Variants in SPECC1 observed in about 807,000 individuals in gnomAD.
The protein encoded by SPECC1 is cytospin-B.
A neutral mutation model predicts 104.1 loss-of-function variants in SPECC1; 62 were observed. The observed-to-expected ratio is 0.60, with a 90% CI of 0.49 to 0.74. SPECC1 has a LOEUF of 0.74. Ranked by LOEUF, SPECC1 falls within the 30% of genes least tolerant of loss-of-function variation. SPECC1 has a pLI of 0.00. For missense variants in SPECC1, 1,306 were observed against 1,310.5 expected (o/e 1.00, Z 0.05); for synonymous variants, 513 against 501.6 (o/e 1.02, Z -0.30).
intron 3 of SPECC1, among the ~76,000 whole-genome samples, chr17:20,175,921 A>G (rs1159140682): frequency 1.3e-5 from 2 of 152,270 alleles, no homozygotes; most frequent in Non-Finnish European, 2.9e-5. Flanking sequence ...TACTCATAAA[A>G]GAGAACCATA....
At chr17:20,143,273 C>A (rs2152561560) in intron 3 of SPECC1, among the ~76,000 whole-genome samples, 1 of 150,926 alleles carries the variant, frequency 6.6e-6, no homozygotes, top group Middle Eastern at 3.5e-3. Flanking sequence ...GTGGTCCCAG[C>A]TACTCAGGAG....
At chr17:20,176,844 GCAC>G (rs904490395) in intron 3 of SPECC1, among the ~76,000 whole-genome samples, 19 of 152,166 alleles carry the variant, frequency 1.2e-4, no homozygotes, top group African/African-American at 3.9e-4. Context: ...ATATCCTTAA[GCAC>G]ATCTGCAAAA....
At chr17:20,259,670 T>C (rs1269985760) in intron 11 of SPECC1, among the ~76,000 whole-genome samples, 2 of 152,082 alleles carry the variant, frequency 1.3e-5, no homozygotes, top group African/African-American at 4.8e-5. Flanking sequence ...CATGCCCAGC[T>C]AATTTTTTTA....
chr17:20,240,060 ATTT>A (rs748689632), intron 7 of SPECC1, among the ~76,000 whole-genome samples: 971 of 31,924 alleles, frequency 0.03, no homozygotes, highest in Non-Finnish European at 0.035. Context: ...TGTCCAGCTA[ATTT>A]TTTTTTTTTT....
intron 3 of SPECC1, among the ~76,000 whole-genome samples, chr17:20,173,274 G>A (rs1391427875): frequency 6.6e-6 from 1 of 152,182 alleles, no homozygotes. Flanking sequence ...TTTATTTCAC[G>A]TTTAGGTGAA....
At chr17:20,133,958 C>A (rs1329893484) in intron 3 of SPECC1, among the ~76,000 whole-genome samples, 1 of 151,860 alleles carries the variant, frequency 6.6e-6, no homozygotes, top group Non-Finnish European at 1.5e-5. Flanking sequence ...TTTCTTGGGG[C>A]CCAGATGGTG....
intron 3 of SPECC1, among the ~76,000 whole-genome samples, chr17:20,159,798 A>G (rs2032968758): frequency 6.6e-6 from 1 of 152,232 alleles, no homozygotes; most frequent in African/African-American, 2.4e-5. Flanking sequence ...AAAAGGTCCT[A>G]GTTAACAGTC....
Position 20,205,366 on chromosome 17 carries a change from A to C in SPECC1, c.1317A>C (p.Glu439Asp), listed in dbSNP as rs896117127. Residue 439 changes from glutamate to aspartate, a missense_variant, in exon 4 of 15, where the codon GAA becomes GAC. Coordinates refer to ENST00000395527, the MANE Select transcript of SPECC1 (RefSeq NM_001243439.2). The part of the protein sequence containing the change: ...HRERAEQLSQ[E>D]NEKLMNLLQE... ...AGAGGGCAGAGCAGCTAAGTCAAGA[A>C]AATGAGAAGCTGATGAATCTTTTAC... is the stretch of plus-strand genomic sequence containing the variant. 1.2e-6 allele frequency: 2 copies of C among 1,613,776 alleles called. No homozygotes were observed. Among genetic ancestry groups the C allele is most frequent in the African/African-American group, 2.7e-5 (2 of 74,968 alleles).
chr17:20,179,305 C>G (rs1051972343), intron 3 of SPECC1, among the ~76,000 whole-genome samples: 2 of 152,256 alleles, frequency 1.3e-5, no homozygotes, highest in African/African-American at 2.4e-5. Flanking sequence ...CAGTGAGTGC[C>G]TTGGCCACTG....
At chr17:20,273,954 A>C (rs2040492741) in intron 12 of SPECC1, among the ~76,000 whole-genome samples, 1 of 152,148 alleles carries the variant, frequency 6.6e-6, no homozygotes. Flanking sequence ...GAGATTGTGA[A>C]TGCATGCGTT....
chr17:20,310,438 AT>A (rs2041899664), intron 14 of SPECC1, among the ~76,000 whole-genome samples: 1 of 152,186 alleles, frequency 6.6e-6, no homozygotes, highest in African/African-American at 2.4e-5. Flanking sequence ...CTGGTGTGAG[AT>A]GATGAGATCT....
At chr17:20,225,642 G>GA (rs1250339670) in intron 4 of SPECC1, among the ~76,000 whole-genome samples, 1 of 152,208 alleles carries the variant, frequency 6.6e-6, no homozygotes, top group Non-Finnish European at 1.5e-5. Context: ...GGATGAGGGA[G>GA]AGGGGATGTT....
At chr17:20,090,322 T>G (rs1032542508) in intron 1 of SPECC1, among the ~76,000 whole-genome samples, 13 of 152,192 alleles carry the variant, frequency 8.5e-5, no homozygotes, top group African/African-American at 3.1e-4. Context: ...AGGTGTTTCC[T>G]AGCTCTGGGG....
At chr17:20,041,876 C>CG (rs2045345967) in intron 1 of SPECC1, among the ~76,000 whole-genome samples, 2 of 152,046 alleles carry the variant, frequency 1.3e-5, no homozygotes, top group Non-Finnish European at 2.9e-5. Context: ...CCACCTGCCT[C>CG]GGCCTCCCAA....
rs753418392 is a variant in SPECC1, at chr17:20,205,391, C to CTAA, written c.1342_1343insTAA (p.Gln448delinsLeuLys). The CTAA allele has an allele frequency of 2.5e-6, 4 of 1,613,556 alleles. No homozygotes were observed. Among genetic ancestry groups the CTAA allele is most frequent in the Non-Finnish European group, 3.4e-6 (4 of 1,179,982 alleles). ...AAATGAGAAGCTGATGAATCTTTTA[C>CTAA]AAGAGCGAGTAAAGAATGAAGAGCC... On this transcript the variant is annotated protein_altering_variant, in exon 4 of 15. Coordinates refer to ENST00000395527, the MANE Select transcript of SPECC1 (RefSeq NM_001243439.2).
At chr17:20,145,409 C>T (rs8081593) in intron 3 of SPECC1, among the ~76,000 whole-genome samples, 2,874 of 152,308 alleles carry the variant, frequency 0.019, 95 homozygotes, top group African/African-American at 0.065. Context: ...AGGGGTTCGG[C>T]ATGCCAAAAA....
chr17:20,164,966 G>GT (rs914627071), intron 3 of SPECC1, among the ~76,000 whole-genome samples: 3 of 151,778 alleles, frequency 2.0e-5, no homozygotes, highest in African/African-American at 2.4e-5. Flanking sequence ...ATACTGCCTG[G>GT]TTTTTTTATA....
At chr17:20,194,648 A>C (rs2035907583) in intron 3 of SPECC1, among the ~76,000 whole-genome samples, 1 of 151,310 alleles carries the variant, frequency 6.6e-6, no homozygotes, top group Admixed American at 6.6e-5. Flanking sequence ...CTGGGACTAC[A>C]GGTGGCGCCA....
rs565659082 is a variant in SPECC1, at chr17:20,212,119, C to T, written c.1863+6207C>T. ...TTTGAGTTTTCTAACAGCCTTTCTC[C>T]ACTATACCTGAAGTGTAAATAAACT... On this transcript the variant is annotated intron_variant, in intron 4 of 14. Transcript: ENST00000395527. 7.2e-5 allele frequency among the ~76,000 whole-genome samples: 11 copies of T among 152,322 alleles called. No individual in the cohort carries two copies. The South Asian group carries it at 2.3e-3, about 32-fold the overall frequency.
Sources: gnomAD v4.1 joint callset for allele counts (sites outside exome capture counted in the v4.1 genomes callset) on GRCh38, gnomAD v4.1.1 for gene constraint, MANE v1.5 for transcripts, NCBI Gene and HGNC (gene_info 2026-07-23, HGNC 2026-07-21) for gene names.